The following FBN1 variants were observed in gnomAD, a reference collection of about 807,000 sequenced individuals.
The protein encoded by FBN1 is fibrillin 1.
Under a neutral mutation model 365.1 loss-of-function variants are expected in FBN1, and 29 were observed. That is an observed-to-expected ratio of 0.08 (90% CI 0.06 to 0.11). The LOEUF (loss-of-function observed/expected upper bound fraction) is 0.11. Ranked by LOEUF, FBN1 falls within the 10% of genes least tolerant of loss-of-function variation. The pLI is 1.00. For missense variants in FBN1, 2,476 were observed against 3,703.2 expected (o/e 0.67, Z 8.60); for synonymous variants, 1,210 against 1,270.5 (o/e 0.95, Z 1.01).
At chr15:48,538,710 G>A (rs960508299) in intron 6 of FBN1, among the ~76,000 whole-genome samples, 9 of 152,106 alleles carry the variant, frequency 5.9e-5, no homozygotes, top group Admixed American at 1.3e-4. Flanking sequence ...ATCCATTTCC[G>A]TGGTTCTACA....
chr15:48,563,112 T>C (rs2044236496), intron 6 of FBN1, among the ~76,000 whole-genome samples: 2 of 152,158 alleles, frequency 1.3e-5, no homozygotes, highest in Non-Finnish European at 2.9e-5. Context: ...CATAGTCCTG[T>C]CTAGAACTTC....
chr15:48,541,966 GT>G (rs953076898), intron 6 of FBN1, among the ~76,000 whole-genome samples: 1 of 152,142 alleles, frequency 6.6e-6, no homozygotes, highest in Non-Finnish European at 1.5e-5. Flanking sequence ...GACTCTAATT[GT>G]TTTTAACTGG....
At chr15:48,412,921 C>A (rs1322827788) in intron 64 of FBN1, among the ~76,000 whole-genome samples, 178 bp from the exon 65 acceptor site, 1 of 152,228 alleles carries the variant, frequency 6.6e-6, no homozygotes, top group Non-Finnish European at 1.5e-5. Flanking sequence ...CTCTAATTCC[C>A]AGTTCCCTGA....
In FBN1 at chr15:48,441,963, A is replaced by C. The variant is rs1012281663; in HGVS notation, c.6038-117T>G. ...GAGTTTCCAAACTCTTACAATAATA[A>C]AGGTATTTTTCTGTACCATAACACT... On this transcript the variant is annotated intron_variant, in intron 49 of 65. Transcript: ENST00000316623. 8 of 1,099,816 alleles carry C rather than the reference A, an allele frequency of 7.3e-6. No individual in the cohort carries two copies. The African/African-American group carries it at 9.2e-5, about 13-fold the overall frequency. The allele number at this position is 1,099,816 out of a possible 1,614,324, so 68.1% of individuals were successfully genotyped here.
rs562022682 is a variant in FBN1, at chr15:48,408,408, G to T, written c.*2582C>A. ...TAATGGCAATATCCAAAGTGATTTT[G>T]GCTGAGTAAACTGCTATTTGTTGAA... On this transcript the variant is annotated 3_prime_UTR_variant, in exon 66 of 66. Coordinates refer to ENST00000316623, the MANE Select transcript of FBN1 (RefSeq NM_000138.5). The T allele has an allele frequency of 6.5e-6, 1 of 152,684 alleles. No individual in the cohort carries two copies. The highest frequency in any genetic ancestry group is 1.9e-4 in the East Asian group (1 of 5,196). The allele number at this position is 152,684 out of a possible 1,614,324, so 9.5% of individuals were successfully genotyped here.
chr15:48,609,363 T>C (rs905727252), intron 4 of FBN1, among the ~76,000 whole-genome samples: 14 of 152,244 alleles, frequency 9.2e-5, no homozygotes, highest in African/African-American at 3.4e-4. Flanking sequence ...TGGCTGTTAC[T>C]GTGTGGGCTC....
At chr15:48,623,997 G>T (rs74014652) in intron 2 of FBN1, among the ~76,000 whole-genome samples, 18,320 of 110,764 alleles carry the variant, frequency 0.17, 2,884 homozygotes, top group African/African-American at 0.42. Flanking sequence ...ACACACACAC[G>T]CACAGCCTAA....
intron 5 of FBN1, among the ~76,000 whole-genome samples, chr15:48,599,448 T>C (rs1398134990): frequency 1.3e-5 from 2 of 152,118 alleles, no homozygotes; most frequent in African/African-American, 4.8e-5. Context: ...AGATACTATC[T>C]GGAATGATGA....
intron 9 of FBN1, among the ~76,000 whole-genome samples, chr15:48,521,784 A>G (rs1229536599): frequency 6.6e-6 from 1 of 152,246 alleles, no homozygotes; most frequent in East Asian, 1.9e-4. Context: ...AGTAAACTAT[A>G]TCTCTACAGA....
Position 48,433,007 on chromosome 15 carries a change from A to C in FBN1, c.6617-19T>G. ...TTTATATCTGCAGCAGAGGAGAGTA[A>C]GTAAATAAGGGATCATGGACAGCAA... is the stretch of plus-strand genomic sequence containing the variant. On this transcript the variant is annotated intron_variant, in intron 54 of 65. Coordinates refer to ENST00000316623, the MANE Select transcript of FBN1 (RefSeq NM_000138.5). 1 of 1,612,854 alleles carries C rather than the reference A, an allele frequency of 6.2e-7. No homozygotes were observed. The highest frequency in any genetic ancestry group is 8.5e-7 in the Non-Finnish European group (1 of 1,179,320).
At chr15:48,582,096 GT>G (rs2044397785) in intron 6 of FBN1, among the ~76,000 whole-genome samples, 1 of 152,196 alleles carries the variant, frequency 6.6e-6, no homozygotes. Flanking sequence ...TGTGTTCATG[GT>G]TTTAAAAAGT....
At chr15:48,591,017 G>C (rs141411685) in intron 6 of FBN1, among the ~76,000 whole-genome samples, 574 of 152,328 alleles carry the variant, frequency 3.8e-3, no homozygotes, top group African/African-American at 0.013. Context: ...GAGGATACAT[G>C]ATGAGCAGCT....
intron 7 of FBN1, 146 bp downstream of exon 7, chr15:48,537,465 A>C: frequency 1.1e-6 from 1 of 924,158 alleles, no homozygotes; most frequent in Non-Finnish European, 1.7e-6. Context: ...CACGTTCCTA[A>C]TGCCTTAGTT....
In FBN1 at chr15:48,547,316, G is replaced by C. The variant is rs138922528; in HGVS notation, c.539-9508C>G. On this transcript the variant is annotated intron_variant, in intron 6 of 65. Transcript: ENST00000316623. ...TACCCACGGCCCAGACCAACAATAT[G>C]TGATGGAATCCTGGCGTGGTGGGTG... Among the ~76,000 whole-genome samples, 928 of 152,274 alleles carry C rather than the reference G, an allele frequency of 6.1e-3. 15 individuals are homozygous for C. The highest frequency in any genetic ancestry group is 0.021 in the African/African-American group (887 of 41,556).
In FBN1 at chr15:48,610,755, T is replaced by A. The variant is rs2140733930; in HGVS notation, c.319A>T (p.Ile107Leu). The A allele has an allele frequency of 1.2e-6, 2 of 1,614,076 alleles. No homozygotes were observed. The highest frequency in any genetic ancestry group is 1.7e-6 in the Non-Finnish European group (2 of 1,179,946). ...PNMCTCPSGQ[I>L]APSCGSRSIQ... ...GATCTGGAGCCACAGGAAGGAGCTA[T>A]CTGACCAGATGGGCAAGTGCACATA... Residue 107 changes from isoleucine (I) to leucine (L), a missense_variant, in exon 4 of 66, where the codon ATA becomes TTA. This residue lies in a region of FBN1 where 22 missense variants were observed against 64.1 expected (regional missense o/e 0.34). Transcript: ENST00000316623.
chr15:48,456,695 G>A lies in FBN1; in HGVS notation c.5364C>T (p.Ser1788=). ...ENGVCINMVG[S]FRCECPVGFF... ...ATCCCACTGGACATTCACATCGGAAGCTGCCAACCATGTTGATACACACTC... is the reference window on the plus strand; with the variant it reads ...ATCCCACTGGACATTCACATCGGAAACTGCCAACCATGTTGATACACACTC... Residue 1788 remains serine (S), a synonymous_variant, in exon 44 of 66, where the codon AGC becomes AGT. Coordinates refer to ENST00000316623, the MANE Select transcript of FBN1 (RefSeq NM_000138.5). 1 of 1,613,936 alleles carries A rather than the reference G, an allele frequency of 6.2e-7. No homozygotes were observed. Among genetic ancestry groups the A allele is most frequent in the Non-Finnish European group, 8.5e-7 (1 of 1,179,866 alleles).
intron 45 of FBN1, among the ~76,000 whole-genome samples, chr15:48,451,630 A>T (rs1307126172): frequency 6.6e-6 from 1 of 152,192 alleles, no homozygotes; most frequent in Non-Finnish European, 1.5e-5. Flanking sequence ...TGTTTCATTC[A>T]CAAATGCATA....
Position 48,514,933 on chromosome 15 carries a change from A to C in FBN1, c.1468+454T>G, listed in dbSNP as rs141070551. 8.4e-3 allele frequency among the ~76,000 whole-genome samples: 1,283 copies of C among 152,342 alleles called. 17 individuals are homozygous for C. The highest frequency in any genetic ancestry group is 9.2e-3 in the Non-Finnish European group (626 of 68,018). On this transcript the variant is annotated intron_variant, in intron 12 of 65. Transcript: ENST00000316623. ...GAGAATTAAAGTTGTAGATGGAATTAAGGTAGCTAATCAGTGATCTTGAGA... is the reference window on the plus strand; with the variant it reads ...GAGAATTAAAGTTGTAGATGGAATTCAGGTAGCTAATCAGTGATCTTGAGA...
chr15:48,436,923 A>G, intron 53 of FBN1, 38 bp downstream of exon 53: 1 of 1,278,800 alleles, frequency 7.8e-7, no homozygotes, highest in Non-Finnish European at 1.1e-6. Context: ...TTAATTTTTA[A>G]TTTGTAAAGT....
Sources: gnomAD v4.1 joint callset for allele counts (sites outside exome capture counted in the v4.1 genomes callset) on GRCh38, gnomAD v4.1.1 for gene constraint, gnomAD v4.1.1 regional missense constraint, MANE v1.5 for transcripts, NCBI Gene and HGNC (gene_info 2026-07-23, HGNC 2026-07-21) for gene names.